ITK: variants seen among roughly 807,000 people sequenced by gnomAD.
ITK encodes the protein tyrosine-protein kinase ITK/TSK.
In ITK, 45 loss-of-function variants were observed where a neutral mutation model predicts 87.6. That is an observed-to-expected ratio of 0.51 (90% CI 0.40 to 0.66). The LOEUF is 0.66. ITK is among the 30% of genes least tolerant of loss of function. The probability of loss-of-function intolerance (pLI) is 0.00; values close to 1 mark genes in which losing one functional copy is unlikely to be tolerated. For missense variants in ITK, 605 were observed against 766.3 expected (o/e 0.79, Z 2.48); for synonymous variants, 303 against 273.6 (o/e 1.11, Z -1.06).
At chr5:157,194,266 G>T (rs1230736431) in intron 1 of ITK, among the ~76,000 whole-genome samples, 1 of 152,130 alleles carries the variant, frequency 6.6e-6, no homozygotes, top group Non-Finnish European at 1.5e-5. Context: ...TGGTGACTTT[G>T]CAGAGTGTGT....
At chr5:157,211,938 C>G (rs30134) in intron 3 of ITK, among the ~76,000 whole-genome samples, 33,251 of 152,144 alleles carry the variant, frequency 0.22, 4,361 homozygotes, top group Admixed American at 0.29. Flanking sequence ...CCATAGACAG[C>G]ATGCAATAAA....
chr5:157,193,079 G>A (rs1029247218), intron 1 of ITK, among the ~76,000 whole-genome samples: 3 of 152,132 alleles, frequency 2.0e-5, no homozygotes, highest in African/African-American at 7.2e-5. Context: ...AAAATTAGCT[G>A]GGCATGGTTG....
intron 1 of ITK, chr5:157,195,623 T>C (rs1228647321): frequency 6.6e-6 from 1 of 152,244 alleles, no homozygotes; most frequent in Non-Finnish European, 1.5e-5. Flanking sequence ...ACCACGATAG[T>C]TAATTTCTTA....
chr5:157,192,615 C>A (rs1453108186), intron 1 of ITK, among the ~76,000 whole-genome samples: 1 of 152,126 alleles, frequency 6.6e-6, no homozygotes, highest in Non-Finnish European at 1.5e-5. Flanking sequence ...AATGCTTTTT[C>A]AAAATTTAAA....
intron 3 of ITK, among the ~76,000 whole-genome samples, chr5:157,213,084 G>A (rs1008282499): frequency 1.3e-5 from 2 of 152,158 alleles, no homozygotes; most frequent in African/African-American, 4.8e-5. Context: ...ATAATGAAAA[G>A]AGGTTTAATT....
intron 6 of ITK, among the ~76,000 whole-genome samples, chr5:157,227,210 G>A (rs1443222662): frequency 5.3e-5 from 8 of 152,178 alleles, no homozygotes; most frequent in South Asian, 2.1e-4. Context: ...TTCATTTGAC[G>A]GGTATAAAGT....
rs751331298 is a variant in ITK, at chr5:157,214,174, G to T, written c.326-17G>T. On this transcript the variant is annotated splice_polypyrimidine_tract_variant and intron_variant, in intron 3 of 16. Transcript: ENST00000422843. ...TGACCTGGAAATAACTCTTCTGTTG[G>T]TGCCAACCTGTTTCAGAAACGAGGA... The T allele has an allele frequency of 2.0e-5, 32 of 1,609,546 alleles. No homozygotes were observed. In the South Asian group the frequency reaches 3.2e-4, roughly 16 times the overall value.
chr5:157,240,405 T>G (rs1754865560), intron 10 of ITK: 1 of 605,254 alleles, frequency 1.7e-6, no homozygotes, highest in African/African-American at 1.8e-5. Context: ...ATGGAACAGT[T>G]TCATCCTGAA....
chr5:157,195,043 T>C (rs542158639), intron 1 of ITK: 4 of 152,316 alleles, frequency 2.6e-5, no homozygotes, highest in South Asian at 4.1e-4. Flanking sequence ...CTTGAAGATA[T>C]TGGGTTGCTG....
chr5:157,208,893 A>C lies in ITK; in HGVS notation c.143A>C (p.Lys48Thr). 6 of 1,611,414 alleles carry C rather than the reference A, an allele frequency of 3.7e-6. No individual in the cohort carries two copies. The highest frequency in any genetic ancestry group is 5.1e-6 in the Non-Finnish European group (6 of 1,177,548). Residue 48 changes from lysine (K) to threonine (T), a missense_variant, in exon 2 of 17, where the codon AAG becomes ACG. Lys to Thr is a moderately conservative substitution (Grantham distance 78, BLOSUM62 -1). Transcript: ENST00000422843. The part of the protein sequence containing the change: ...LAYFEDRHGK[K>T]RTLKGSIELS... Reference sequence around the variant, plus strand: ...GATGTTCTTCTCTCCCCACAGAAGAAGCGCACGCTGAAGGGGTCCATTGAG... The same window carrying C: ...GATGTTCTTCTCTCCCCACAGAAGACGCGCACGCTGAAGGGGTCCATTGAG...
chr5:157,248,970 C>T lies in ITK; in HGVS notation c.1754C>T (p.Thr585Ile), dbSNP rs1561666282. Residue 585 changes from threonine (T) to isoleucine (I), a missense_variant, in exon 16 of 17, where the codon ACA becomes ATA. By Grantham distance (89) the Thr-to-Ile change is moderately conservative (BLOSUM62 -1). Transcript: ENST00000422843. ...TTGTACAAGCCCCGGCTGGCCTCCA[C>T]ACACGTCTACCAGATTATGAATCAC... is the stretch of plus-strand genomic sequence containing the variant. Reference protein sequence around the residue: ...FRLYKPRLASTHVYQIMNHCW... With the variant: ...FRLYKPRLASIHVYQIMNHCW... The T allele has an allele frequency of 6.2e-7, 1 of 1,613,826 alleles. No homozygotes were observed. The highest frequency in any genetic ancestry group is 8.5e-7 in the Non-Finnish European group (1 of 1,179,836).
rs1031880318 is a variant in ITK, at chr5:157,204,382, G to A, written c.139-4507G>A. ...TCCAAGCCACCCTGGGCAACATGGT[G>A]AAACCCCATCTCTACTAAAATACAA... On this transcript the variant is annotated intron_variant, in intron 1 of 16. Transcript: ENST00000422843. Among the ~76,000 whole-genome samples the A allele has an allele frequency of 4.6e-5, 7 of 151,902 alleles. No individual in the cohort carries two copies. In the East Asian group the frequency reaches 1.2e-3, roughly 25 times the overall value.
chr5:157,243,291 G>A (rs976161576), intron 11 of ITK, among the ~76,000 whole-genome samples: 1 of 152,206 alleles, frequency 6.6e-6, no homozygotes, highest in African/African-American at 2.4e-5. Context: ...ATGAAAGAAT[G>A]ATCAGCTCAA....
chr5:157,244,796 G>A (rs1754988913), intron 13 of ITK: 3 of 378,634 alleles, frequency 7.9e-6, no homozygotes, highest in South Asian at 4.4e-5. Flanking sequence ...AACTGAGTTT[G>A]TCTGAAGGTA....
chr5:157,233,283 C>G (rs1419603306), intron 8 of ITK, among the ~76,000 whole-genome samples: 14 of 152,212 alleles, frequency 9.2e-5, no homozygotes, highest in Non-Finnish European at 2.9e-5. Context: ...CAGCTGATCT[C>G]AGTCCATGGC....
intron 1 of ITK, chr5:157,195,898 C>T (rs1753847262): frequency 6.6e-6 from 1 of 152,180 alleles, no homozygotes; most frequent in Admixed American, 6.6e-5. Flanking sequence ...TTATTATGCA[C>T]AATGAGAAAT....
chr5:157,231,143 C>T (rs1035396812), intron 7 of ITK, among the ~76,000 whole-genome samples: 2 of 152,174 alleles, frequency 1.3e-5, no homozygotes, highest in African/African-American at 4.8e-5. Flanking sequence ...GGATTCAGGT[C>T]TCCTGCCTTG....
At position 157,253,914 on chromosome 5, in the gene ITK, T is replaced by C. The variant is rs1755200585; in HGVS notation, c.*1236T>C. The C allele has an allele frequency of 4.5e-6, 1 of 222,206 alleles. No individual in the cohort carries two copies. Among genetic ancestry groups the C allele is most frequent in the Non-Finnish European group, 9.0e-6 (1 of 111,166 alleles). 13.8% of individuals were successfully genotyped at this position (222,206 alleles called of 1,614,324 possible). A position where few individuals can be genotyped will look rare whatever the true frequency, so the allele number is the denominator to read the frequency against. On this transcript the variant is annotated 3_prime_UTR_variant, in exon 17 of 17. Coordinates refer to ENST00000422843, the MANE Select transcript of ITK (RefSeq NM_005546.4). ...TATGTACTGAGCTAGGAGACTTCCCTGCAAAATCTCTGTTCACCCTGGGTT... is the reference window on the plus strand; with the variant it reads ...TATGTACTGAGCTAGGAGACTTCCCCGCAAAATCTCTGTTCACCCTGGGTT...
At position 157,210,175 on chromosome 5, in the gene ITK, C is replaced by T. The variant is rs544483155; in HGVS notation, c.244-1112C>T. 8.6e-4 allele frequency among the ~76,000 whole-genome samples: 131 copies of T among 152,262 alleles called. 1 individual carries two copies. Among genetic ancestry groups the T allele is most frequent in the African/African-American group, 3.0e-3 (124 of 41,552 alleles). On this transcript the variant is annotated intron_variant, in intron 2 of 16. Transcript: ENST00000422843. ...TCCTGACCTCGTGATCGACCCGCCT[C>T]GGCCTCCCAAAGTTCTACTGAACAG...
Sources: allele counts gnomAD v4.1 joint callset (sites outside exome capture counted in the v4.1 genomes callset), GRCh38; gene constraint gnomAD v4.1.1; transcripts MANE v1.5; gene names NCBI Gene and HGNC (gene_info 2026-07-23, HGNC 2026-07-21).